ROBO1: variants seen among roughly 807,000 people sequenced by gnomAD.
The protein encoded by ROBO1 is roundabout guidance receptor 1, also known as roundabout homolog 1.
A neutral mutation model predicts 195.9 loss-of-function variants in ROBO1; 149 were observed. That is an observed-to-expected ratio of 0.76 (90% CI 0.67 to 0.87). ROBO1 has a LOEUF of 0.87. Ranked by LOEUF, ROBO1 falls within the 40% of genes least tolerant of loss-of-function variation. The pLI, the probability that ROBO1 is intolerant of heterozygous loss-of-function variation, is 0.00. For missense variants in ROBO1, 1,933 were observed against 2,068.3 expected (o/e 0.93, Z 1.27); for synonymous variants, 816 against 733.2 (o/e 1.11, Z -1.82).
Position 78,983,722 on chromosome 3 carries a change from T to C in ROBO1, c.173-44795A>G, listed in dbSNP as rs186166980. 3.9e-5 allele frequency among the ~76,000 whole-genome samples: 6 copies of C among 152,210 alleles called. No individual in the cohort carries two copies. The East Asian group carries it at 1.2e-3, about 29-fold the overall frequency. On this transcript the variant is annotated intron_variant, in intron 3 of 30. Coordinates refer to ENST00000464233, the MANE Select transcript of ROBO1 (RefSeq NM_002941.4). Reference sequence around the variant, plus strand: ...TAGACAGGTCTGATTTTAAAATAAATAAAAAGGCAAGGATGTGACCACTGT... The same window carrying C: ...TAGACAGGTCTGATTTTAAAATAAACAAAAAGGCAAGGATGTGACCACTGT...
chr3:79,062,458 G>C (rs1041903028), intron 3 of ROBO1, among the ~76,000 whole-genome samples: 1 of 152,112 alleles, frequency 6.6e-6, no homozygotes, highest in Non-Finnish European at 1.5e-5. Context: ...CAAGGATCTA[G>C]AACTAGAAAT....
chr3:79,421,938 A>G lies in ROBO1; in HGVS notation c.88+167886T>C, dbSNP rs145677939. Reference sequence around the variant, plus strand: ...GAAACTAGGATTCAGGGCCATATTTATTTGTTCCCGAGTCCAAGTGATTAA... The same window carrying G: ...GAAACTAGGATTCAGGGCCATATTTGTTTGTTCCCGAGTCCAAGTGATTAA... On this transcript the variant is annotated intron_variant, in intron 2 of 30. Transcript: ENST00000464233. Among the ~76,000 whole-genome samples the G allele has an allele frequency of 8.3e-3, 1,256 of 151,896 alleles. 16 individuals carry two copies. The highest frequency in any genetic ancestry group is 0.01 in the Non-Finnish European group (685 of 67,936).
chr3:79,129,947 C>T (rs1161330224), intron 2 of ROBO1, among the ~76,000 whole-genome samples: 3 of 127,648 alleles, frequency 2.4e-5, no homozygotes, highest in Non-Finnish European at 3.3e-5. Flanking sequence ...AATCCTTTCC[C>T]CATTGCTTGT....
intron 4 of ROBO1, among the ~76,000 whole-genome samples, chr3:78,773,450 C>T (rs1012237283): frequency 6.6e-6 from 1 of 152,052 alleles, no homozygotes; most frequent in Non-Finnish European, 1.5e-5. Context: ...TGCATTCATT[C>T]TACTCATTTG....
intron 4 of ROBO1, among the ~76,000 whole-genome samples, chr3:78,923,397 A>G (rs529751607): frequency 7.9e-5 from 12 of 152,230 alleles, no homozygotes; most frequent in Admixed American, 3.3e-4. Flanking sequence ...GTCATTTTCT[A>G]AAGTGGAAAG....
intron 2 of ROBO1, among the ~76,000 whole-genome samples, chr3:79,145,407 A>C (rs1385806387): frequency 6.7e-6 from 1 of 150,342 alleles, no homozygotes; most frequent in Admixed American, 6.7e-5. Context: ...ACACACACAG[A>C]CATAAATAAC....
intron 4 of ROBO1, among the ~76,000 whole-genome samples, chr3:78,855,715 C>G (rs2034372028): frequency 6.6e-6 from 1 of 151,838 alleles, no homozygotes; most frequent in Non-Finnish European, 1.5e-5. Flanking sequence ...AACTTTAAGA[C>G]TAGGTCACAG....
At chr3:78,856,350 A>G (rs2034433745) in intron 4 of ROBO1, among the ~76,000 whole-genome samples, 1 of 151,806 alleles carries the variant, frequency 6.6e-6, no homozygotes, top group Non-Finnish European at 1.5e-5. Flanking sequence ...GAACAACCAC[A>G]TAAACAAAGT....
intron 7 of ROBO1, among the ~76,000 whole-genome samples, chr3:78,715,660 C>A (rs572333569): frequency 2.0e-5 from 3 of 152,078 alleles, no homozygotes; most frequent in Non-Finnish European, 4.4e-5. Context: ...GCCTCCCGAG[C>A]AGCTGGGATT....
intron 2 of ROBO1, among the ~76,000 whole-genome samples, chr3:79,490,044 T>C (rs1457356592): frequency 6.6e-6 from 1 of 152,228 alleles, no homozygotes; most frequent in African/African-American, 2.4e-5. Context: ...GCCGAGGACT[T>C]TGAATACTAC....
At chr3:79,752,465 ATAG>A (rs1174139955) in intron 1 of ROBO1, among the ~76,000 whole-genome samples, 1 of 152,152 alleles carries the variant, frequency 6.6e-6, no homozygotes, top group Non-Finnish European at 1.5e-5. Flanking sequence ...AAAATGGAAC[ATAG>A]TGGTGCCATG....
At chr3:78,992,196 T>A (rs2077253877) in intron 3 of ROBO1, among the ~76,000 whole-genome samples, 1 of 152,202 alleles carries the variant, frequency 6.6e-6, no homozygotes, top group Non-Finnish European at 1.5e-5. Flanking sequence ...GATTTCATAT[T>A]GTTTAGGCAT....
chr3:78,632,842 T>A (rs3773210), intron 24 of ROBO1, among the ~76,000 whole-genome samples: 1 of 152,006 alleles, frequency 6.6e-6, no homozygotes, highest in East Asian at 1.9e-4. Flanking sequence ...ATATTTCATA[T>A]GATTTTCTTA....
chr3:79,426,607 A>G (rs753191187), intron 2 of ROBO1, among the ~76,000 whole-genome samples: 12 of 152,078 alleles, frequency 7.9e-5, no homozygotes, highest in Non-Finnish European at 1.6e-4. Context: ...ACCTCAGGTG[A>G]TCCACCCGCC....
At chr3:79,486,177 A>G (rs1235221530) in intron 2 of ROBO1, among the ~76,000 whole-genome samples, 1 of 152,020 alleles carries the variant, frequency 6.6e-6, no homozygotes, top group Non-Finnish European at 1.5e-5. Flanking sequence ...AGTCTCACAA[A>G]GTATTGTCTT....
intron 4 of ROBO1, among the ~76,000 whole-genome samples, chr3:78,936,671 G>A (rs1357924590): frequency 6.6e-6 from 1 of 151,936 alleles, no homozygotes; most frequent in African/African-American, 2.4e-5. Context: ...ATATGGGGGA[G>A]GGTGTGCATA....
At chr3:78,758,525 C>CAAAAAAA (rs5850391) in intron 4 of ROBO1, among the ~76,000 whole-genome samples, 2 of 85,282 alleles carry the variant, frequency 2.3e-5, no homozygotes, top group Non-Finnish European at 4.4e-5. Flanking sequence ...GACCCTATCT[C>CAAAAAAA]AAAAAAAAAA....
chr3:79,172,747 T>A lies in ROBO1; in HGVS notation c.89-47208A>T, dbSNP rs140493783. 1.1e-4 allele frequency among the ~76,000 whole-genome samples: 16 copies of A among 152,244 alleles called. No homozygotes were observed. In the East Asian group the frequency reaches 1.7e-3, roughly 17 times the overall value. ...TGCATTATTGACTAAACTGAAATGC[T>A]CACCAGTTCTAGGATATGTCATACA... On this transcript the variant is annotated intron_variant, in intron 2 of 30. Coordinates refer to ENST00000464233, the MANE Select transcript of ROBO1 (RefSeq NM_002941.4).
At chr3:78,918,641 C>T (rs887893816) in intron 4 of ROBO1, among the ~76,000 whole-genome samples, 6 of 152,102 alleles carry the variant, frequency 3.9e-5, no homozygotes, top group Admixed American at 3.9e-4. Context: ...TAATAAAAGA[C>T]TGGCTCAATT....
Sources: allele counts gnomAD v4.1 joint callset (sites outside exome capture counted in the v4.1 genomes callset), GRCh38; gene constraint gnomAD v4.1.1; transcripts MANE v1.5; gene names NCBI Gene and HGNC (gene_info 2026-07-23, HGNC 2026-07-21).